CHCHD3: variants seen among roughly 807,000 people sequenced by gnomAD.
CHCHD3 encodes the protein MICOS complex subunit MIC19.
In CHCHD3, 20 loss-of-function variants were observed where a neutral mutation model predicts 38.2. That is an observed-to-expected ratio of 0.52 (90% CI 0.37 to 0.76). CHCHD3 has a LOEUF of 0.76. Ranked by LOEUF, CHCHD3 falls within the 30% of genes least tolerant of loss-of-function variation. CHCHD3 has a pLI of 0.00. For missense variants in CHCHD3, 245 were observed against 279.2 expected (o/e 0.88, Z 0.87); for synonymous variants, 82 against 100.0 (o/e 0.82, Z 1.07).
intron 4 of CHCHD3, among the ~76,000 whole-genome samples, chr7:132,898,988 C>A (rs944170482): frequency 2.0e-5 from 3 of 152,196 alleles, no homozygotes; most frequent in African/African-American, 7.2e-5. Context: ...CGCGCCTCCC[C>A]CTCCACACCT....
At chr7:132,898,955 C>T (rs955951401) in intron 4 of CHCHD3, among the ~76,000 whole-genome samples, 3 of 152,218 alleles carry the variant, frequency 2.0e-5, no homozygotes, top group Non-Finnish European at 4.4e-5. Flanking sequence ...CTGCAAGCGC[C>T]GCACACAGCC....
At chr7:132,838,616 A>G in intron 5 of CHCHD3, 147 bp from the exon 6 acceptor site, 1 of 598,892 alleles carries the variant, frequency 1.7e-6, no homozygotes, top group East Asian at 2.8e-5. Flanking sequence ...GGATACTTAT[A>G]AAACACATGT....
intron 2 of CHCHD3, among the ~76,000 whole-genome samples, chr7:133,068,581 G>T (rs1814737792): frequency 6.6e-6 from 1 of 152,224 alleles, no homozygotes; most frequent in African/African-American, 2.4e-5. Context: ...GAGGACTTCT[G>T]TGTGCACAGC....
chr7:133,040,821 T>C (rs1813813311), intron 2 of CHCHD3, among the ~76,000 whole-genome samples: 1 of 152,108 alleles, frequency 6.6e-6, no homozygotes, highest in Non-Finnish European at 1.5e-5. Context: ...TCAGAGATGA[T>C]CTCTCACTCC....
At chr7:132,929,390 C>A (rs567128243) in intron 4 of CHCHD3, among the ~76,000 whole-genome samples, 1 of 152,096 alleles carries the variant, frequency 6.6e-6, no homozygotes, top group Non-Finnish European at 1.5e-5. Flanking sequence ...GTCTCCCATG[C>A]AACTCTTTCT....
chr7:133,029,273 G>A (rs973108424), intron 2 of CHCHD3, among the ~76,000 whole-genome samples: 3 of 152,050 alleles, frequency 2.0e-5, no homozygotes, highest in African/African-American at 7.2e-5. Context: ...AGTTACCATT[G>A]GGGTGGGGAA....
chr7:132,927,215 C>T (rs1810399215), intron 4 of CHCHD3, among the ~76,000 whole-genome samples: 1 of 152,198 alleles, frequency 6.6e-6, no homozygotes, highest in South Asian at 2.1e-4. Flanking sequence ...TCACTGAAAA[C>T]CATAAATGTT....
chr7:133,024,570 T>C lies in CHCHD3; in HGVS notation c.227A>G (p.Lys76Arg), dbSNP rs1174986242. The C allele has an allele frequency of 6.2e-7, 1 of 1,613,650 alleles. No homozygotes were observed. Among genetic ancestry groups the C allele is most frequent in the East Asian group, 2.2e-5 (1 of 44,888 alleles). ...VAEELALEQA[K>R]KESEDQKRLK... Reference sequence around the variant, plus strand: ...CCGTTTCTGATCTTCGGATTCTTTCTTGGCTTGCTCCAATGCCAGCTCCTC... The same window carrying C: ...CCGTTTCTGATCTTCGGATTCTTTCCTGGCTTGCTCCAATGCCAGCTCCTC... Residue 76 changes from lysine (K) to arginine (R), a missense_variant, in exon 3 of 8, where the codon AAG (lysine) becomes AGG (arginine). By Grantham distance (26) the Lys-to-Arg change is conservative (BLOSUM62 2). Transcript: ENST00000262570.
intron 4 of CHCHD3, among the ~76,000 whole-genome samples, chr7:132,924,601 G>T (rs1810333823): frequency 6.6e-6 from 1 of 152,022 alleles, no homozygotes; most frequent in African/African-American, 2.4e-5. Flanking sequence ...GTAAAGCCTA[G>T]CAACTATAGA....
chr7:132,900,556 A>T (rs1809641285), intron 4 of CHCHD3, among the ~76,000 whole-genome samples: 3 of 152,226 alleles, frequency 2.0e-5, no homozygotes, highest in Non-Finnish European at 4.4e-5. Context: ...CTAGTGCTCA[A>T]CTAAAGAAAA....
chr7:133,061,356 T>C (rs1165550657), intron 2 of CHCHD3, among the ~76,000 whole-genome samples: 1 of 150,478 alleles, frequency 6.6e-6, no homozygotes, highest in Non-Finnish European at 1.5e-5. Flanking sequence ...CTGCAAAGCG[T>C]AACATAATAA....
chr7:133,063,223 G>C (rs1303550858), intron 2 of CHCHD3, among the ~76,000 whole-genome samples: 2 of 152,180 alleles, frequency 1.3e-5, no homozygotes, highest in Non-Finnish European at 2.9e-5. Context: ...GTAGCACAGA[G>C]AAAAGGTGTC....
intron 4 of CHCHD3, among the ~76,000 whole-genome samples, chr7:132,912,571 T>C (rs1382926844): frequency 6.6e-6 from 1 of 152,196 alleles, no homozygotes; most frequent in African/African-American, 2.4e-5. Context: ...TTTTTTTTCT[T>C]TGAGACAAAG....
At chr7:132,951,667 T>A (rs1811039148) in intron 4 of CHCHD3, among the ~76,000 whole-genome samples, 2 of 152,198 alleles carry the variant, frequency 1.3e-5, no homozygotes, top group Admixed American at 6.5e-5. Flanking sequence ...CCAGAACATA[T>A]CCCTGTCGCT....
chr7:132,989,177 G>A (rs183357782), intron 3 of CHCHD3, among the ~76,000 whole-genome samples: 13 of 152,248 alleles, frequency 8.5e-5, no homozygotes, highest in Non-Finnish European at 1.8e-4. Context: ...AGTGAGGACT[G>A]TATTTAACCA....
chr7:132,917,849 A>T, intron 4 of CHCHD3, among the ~76,000 whole-genome samples: 1 of 85,584 alleles, frequency 1.2e-5, no homozygotes, highest in African/African-American at 5.3e-5. Flanking sequence ...ACAGAGTGAG[A>T]CTCCATCTCA....
rs1814150783 is a variant in CHCHD3 at position 133,051,105 on chromosome 7, TGAA to T, written c.169+19034_169+19036del. On this transcript the variant is annotated intron_variant, in intron 2 of 7. Coordinates refer to ENST00000262570, the MANE Select transcript of CHCHD3 (RefSeq NM_017812.4). Reference sequence around the variant, plus strand: ...CACAGAGAATACTGCTCAATGTTCTTGAAGAGTTCCTTCAGAAAAAGACCACAG... The same window carrying T: ...CACAGAGAATACTGCTCAATGTTCTTGAGTTCCTTCAGAAAAAGACCACAG... Among the ~76,000 whole-genome samples the T allele has an allele frequency of 7.2e-5, 11 of 152,202 alleles. No individual in the cohort carries two copies. The South Asian group carries it at 2.3e-3, about 31-fold the overall frequency.
At chr7:133,043,863 A>C (rs1202065706) in intron 2 of CHCHD3, among the ~76,000 whole-genome samples, 1 of 152,228 alleles carries the variant, frequency 6.6e-6, no homozygotes, top group Non-Finnish European at 1.5e-5. Context: ...TCTAAGATTA[A>C]GTAGCAAAAT....
At chr7:132,886,709 A>AT (rs55963318) in intron 4 of CHCHD3, among the ~76,000 whole-genome samples, 145,771 of 150,956 alleles carry the variant, frequency 0.97, 70,595 homozygotes, top group Middle Eastern at 1. Flanking sequence ...AGATATATAT[A>AT]TTTTTGTGTG....
Sources: allele counts gnomAD v4.1 joint callset (sites outside exome capture counted in the v4.1 genomes callset), GRCh38; gene constraint gnomAD v4.1.1; transcripts MANE v1.5; gene names NCBI Gene and HGNC (gene_info 2026-07-23, HGNC 2026-07-21).